Variants in TANC2 observed in about 807,000 individuals in gnomAD.
TANC2 encodes tetratricopeptide repeat, ankyrin repeat and coiled-coil containing 2.
A neutral mutation model predicts 210.5 loss-of-function variants in TANC2; 26 were observed. That is an observed-to-expected ratio of 0.12 (90% CI 0.09 to 0.17). The LOEUF (loss-of-function observed/expected upper bound fraction) is 0.17, where lower values mean the gene tolerates loss of function less well. Ranked by LOEUF, TANC2 falls within the 10% of genes least tolerant of loss-of-function variation. The pLI, the probability that TANC2 is intolerant of heterozygous loss-of-function variation, is 1.00. For synonymous variants in TANC2, 931 were observed against 967.1 expected (o/e 0.96, Z 0.69); for missense variants, 2,129 against 2,608.9 (o/e 0.82, Z 4.01).
intron 4 of TANC2, among the ~76,000 whole-genome samples, chr17:63,115,875 G>A (rs1274934823): frequency 6.6e-6 from 1 of 152,122 alleles, no homozygotes; most frequent in Non-Finnish European, 1.5e-5. Flanking sequence ...TTTAGAAGTA[G>A]CAAAGCTGTT....
In TANC2 at chr17:63,351,826, A is replaced by G. The variant is rs187910527; in HGVS notation, c.1974+410A>G. On this transcript the variant is annotated intron_variant, in intron 13 of 27. Coordinates refer to ENST00000689528, the Ensembl canonical transcript of TANC2. The stretch of plus-strand genomic sequence containing the variant: ...TTTTCTGGTTCCTCCCTCTGCTTCT[A>G]CTTAAACAACTCTTCTATAGCATGA... 3.9e-5 allele frequency among the ~76,000 whole-genome samples: 6 copies of G among 152,232 alleles called. No individual in the cohort carries two copies. In the East Asian group the frequency reaches 1.2e-3, roughly 29 times the overall value.
At chr17:63,098,869 A>G (rs1167494432) in intron 3 of TANC2, among the ~76,000 whole-genome samples, 3 of 151,124 alleles carry the variant, frequency 2.0e-5, no homozygotes, top group Admixed American at 2.0e-4. Flanking sequence ...CAGAAAAAAA[A>G]GTAAGATCAT....
At position 63,099,166 on chromosome 17, in the gene TANC2, T is replaced by C. The variant is rs1253064026; in HGVS notation, c.140-9T>C. 3 of 1,610,056 alleles carry C rather than the reference T, an allele frequency of 1.9e-6. No individual in the cohort carries two copies. Among genetic ancestry groups the C allele is most frequent in the Admixed American group, 3.4e-5 (2 of 59,482 alleles). ...TCACCAGCTCTTTTGTTCCATCCCC[T>C]TCTAACAGGTGGCATCTCCACAGAA... On this transcript the variant is annotated splice_polypyrimidine_tract_variant and intron_variant, in intron 3 of 27. Transcript: ENST00000689528.
intron 6 of TANC2, among the ~76,000 whole-genome samples, chr17:63,195,721 A>G (rs1344220567): frequency 6.6e-6 from 1 of 152,200 alleles, no homozygotes; most frequent in Non-Finnish European, 1.5e-5. Context: ...GTCTGTTCAC[A>G]CAGTAACCAG....
exon 28 of TANC2, chr17:63,422,611 A>G (rs1348153163): frequency 6.6e-6 from 1 of 152,278 alleles, no homozygotes; most frequent in Non-Finnish European, 1.5e-5. Context: ...TTGATTTTCC[A>G]AGAGGCATTG....
intron 7 of TANC2, among the ~76,000 whole-genome samples, chr17:63,205,186 A>G (rs2041660764): frequency 6.6e-6 from 1 of 152,122 alleles, no homozygotes; most frequent in Admixed American, 6.5e-5. Context: ...TGGCATGGAC[A>G]GTCTTTTCAA....
At chr17:63,386,806 A>G (rs1048656283) in intron 15 of TANC2, among the ~76,000 whole-genome samples, 8 of 152,148 alleles carry the variant, frequency 5.3e-5, no homozygotes, top group Non-Finnish European at 5.9e-5. Context: ...TATAATTTCA[A>G]AAACTGAAAT....
intron 7 of TANC2, among the ~76,000 whole-genome samples, chr17:63,231,198 A>G (rs1336173372): frequency 6.6e-6 from 1 of 151,806 alleles, no homozygotes; most frequent in African/African-American, 2.4e-5. Context: ...ACAGCATACC[A>G]AGGGGTCTTT....
intron 19 of TANC2, 151 bp downstream of exon 19, chr17:63,399,065 G>T: frequency 2.0e-6 from 1 of 488,808 alleles, no homozygotes. Flanking sequence ...AAACAGTCAA[G>T]CAGTTTTCCT....
At chr17:63,140,207 T>C (rs963524435) in intron 4 of TANC2, among the ~76,000 whole-genome samples, 1 of 152,240 alleles carries the variant, frequency 6.6e-6, no homozygotes, top group African/African-American at 2.4e-5. Flanking sequence ...GATTAGCTGA[T>C]ACTAGCCGCA....
intron 5 of TANC2, among the ~76,000 whole-genome samples, chr17:63,176,065 A>G (rs1000786331): frequency 6.6e-6 from 1 of 152,222 alleles, no homozygotes; most frequent in Admixed American, 6.5e-5. Context: ...TGTTGGCGAG[A>G]ATATGGAGGA....
chr17:63,371,382 C>T (rs1415507163), intron 14 of TANC2, among the ~76,000 whole-genome samples: 1 of 151,674 alleles, frequency 6.6e-6, no homozygotes, highest in Non-Finnish European at 1.5e-5. Flanking sequence ...AGGAGAATCG[C>T]TTGAACCAGG....
intron 4 of TANC2, among the ~76,000 whole-genome samples, chr17:63,137,551 T>C (rs2145276338): frequency 6.6e-6 from 1 of 152,366 alleles, no homozygotes; most frequent in African/African-American, 2.4e-5. Flanking sequence ...ATAGTTTATA[T>C]AATCTGTTTG....
chr17:63,208,142 G>GT (rs11415968), intron 7 of TANC2, among the ~76,000 whole-genome samples: 3,230 of 152,060 alleles, frequency 0.021, 105 homozygotes, highest in African/African-American at 0.072. Context: ...ATGTAGTCAA[G>GT]TTTTTTTGTT....
intron 9 of TANC2, among the ~76,000 whole-genome samples, chr17:63,294,470 CCT>C (rs1216762505): frequency 6.6e-6 from 1 of 151,730 alleles, no homozygotes; most frequent in South Asian, 2.1e-4. Flanking sequence ...AGAATGAGAC[CCT>C]GTCTTGAAAA....
At chr17:62,999,750 A>G (rs2033285591) in intron 1 of TANC2, among the ~76,000 whole-genome samples, 1 of 152,196 alleles carries the variant, frequency 6.6e-6, no homozygotes, top group Non-Finnish European at 1.5e-5. Context: ...ATATGCCCAA[A>G]GCAATGTAAA....
At chr17:63,194,025 T>A (rs745509560) in exon 6 of TANC2, 25 of 1,613,254 alleles carry the variant, frequency 1.5e-5, no homozygotes, top group Non-Finnish European at 2.1e-5. Flanking sequence ...CCCCTCCATC[T>A]GTAGATGAGG....
intron 1 of TANC2, among the ~76,000 whole-genome samples, chr17:62,998,956 A>G (rs1260693324): frequency 1.3e-5 from 2 of 152,250 alleles, no homozygotes; most frequent in African/African-American, 2.4e-5. Flanking sequence ...TCCATCAAGC[A>G]AATTGTAAAC....
chr17:63,214,677 A>G (rs1044447730), intron 7 of TANC2, among the ~76,000 whole-genome samples: 2 of 152,186 alleles, frequency 1.3e-5, no homozygotes, highest in Non-Finnish European at 2.9e-5. Context: ...TACTAATCCC[A>G]TTTGTGAGGA....
Sources: allele counts gnomAD v4.1 joint callset (sites outside exome capture counted in the v4.1 genomes callset), GRCh38; gene constraint gnomAD v4.1.1; transcripts MANE v1.5; gene names NCBI Gene and HGNC (gene_info 2026-07-23, HGNC 2026-07-21).